NEGR1: variants seen among roughly 807,000 people sequenced by gnomAD.
The protein encoded by NEGR1 is IgLON family member 4.
A neutral mutation model predicts 40.9 loss-of-function variants in NEGR1; 10 were observed. The observed-to-expected ratio is 0.24, with a 90% CI of 0.15 to 0.42. NEGR1 has a LOEUF of 0.42. Ranked by LOEUF, NEGR1 falls within the 10% of genes least tolerant of loss-of-function variation. The pLI is 1.00. For missense variants in NEGR1, 352 were observed against 438.9 expected, an observed-to-expected ratio of 0.80 and a Z score of 1.77; for synonymous variants, 185 against 166.8, an observed-to-expected ratio of 1.11 and a Z score of -0.84.
At chr1:71,534,429 C>T (rs1174527883) in intron 6 of NEGR1, among the ~76,000 whole-genome samples, 1 of 151,666 alleles carries the variant, frequency 6.6e-6, no homozygotes, top group East Asian at 1.9e-4. Context: ...TCTGACTGTT[C>T]TGGGCCATGG....
intron 3 of NEGR1, among the ~76,000 whole-genome samples, chr1:71,700,477 G>C (rs539181961): frequency 6.3e-4 from 96 of 152,046 alleles, no homozygotes; most frequent in African/African-American, 2.1e-3. Context: ...TTTAATATCT[G>C]AAAGATGCTA....
intron 1 of NEGR1, among the ~76,000 whole-genome samples, chr1:72,257,247 G>A (rs1454108139): frequency 1.3e-5 from 2 of 149,130 alleles, no homozygotes; most frequent in East Asian, 3.9e-4. Flanking sequence ...GCGTGAACCC[G>A]GGAGGCGGAG....
chr1:72,061,090 T>C (rs546599593), intron 1 of NEGR1, among the ~76,000 whole-genome samples: 39 of 151,830 alleles, frequency 2.6e-4, no homozygotes, highest in South Asian at 8.3e-4. Flanking sequence ...ATGACATAAC[T>C]ACTTCCTCAT....
intron 3 of NEGR1, among the ~76,000 whole-genome samples, chr1:71,758,791 T>C (rs773942885): frequency 6.6e-6 from 1 of 152,162 alleles, no homozygotes; most frequent in African/African-American, 2.4e-5. Context: ...AAATCGTTAT[T>C]AAGCTATTTT....
chr1:71,945,440 A>C (rs1232591289), intron 1 of NEGR1, among the ~76,000 whole-genome samples: 1 of 152,180 alleles, frequency 6.6e-6, no homozygotes, highest in Non-Finnish European at 1.5e-5. Context: ...AATTAGAAGA[A>C]GGAAAAAAAT....
At chr1:71,604,508 A>G (rs1489923361) in intron 5 of NEGR1, among the ~76,000 whole-genome samples, 1 of 152,184 alleles carries the variant, frequency 6.6e-6, no homozygotes, top group Non-Finnish European at 1.5e-5. Context: ...ACAATCAGGT[A>G]GTAAATATTT....
In NEGR1 at chr1:71,675,988, A is replaced by G. The variant is rs12077693; in HGVS notation, c.667+22020T>C. On this transcript the variant is annotated intron_variant, in intron 4 of 6. Transcript: ENST00000357731. ...GACCGATTTTAGTTTCTATACAGAT[A>G]CTAAACAGGTGTTTGACTTCCACCA... 6.8e-3 allele frequency among the ~76,000 whole-genome samples: 1,031 copies of G among 152,182 alleles called. 12 individuals carry two copies. The highest frequency in any genetic ancestry group is 0.023 in the African/African-American group (967 of 41,534).
At chr1:71,548,059 CA>C (rs2101465501) in intron 6 of NEGR1, among the ~76,000 whole-genome samples, 1 of 151,770 alleles carries the variant, frequency 6.6e-6, no homozygotes, top group South Asian at 2.1e-4. Context: ...CTGGACTGAT[CA>C]AACCTCAGAT....
At chr1:71,888,163 T>C (rs1018308555) in intron 2 of NEGR1, among the ~76,000 whole-genome samples, 4 of 152,114 alleles carry the variant, frequency 2.6e-5, no homozygotes, top group African/African-American at 9.7e-5. Context: ...TTCTAACCTA[T>C]CTCTGAATAG....
intron 6 of NEGR1, among the ~76,000 whole-genome samples, chr1:71,543,704 C>G (rs1003931916): frequency 1.3e-5 from 2 of 151,544 alleles, no homozygotes; most frequent in African/African-American, 2.4e-5. Context: ...CTAGGTTTTG[C>G]TTGGTCTAGA....
chr1:71,788,585 T>C (rs929457584), intron 2 of NEGR1, among the ~76,000 whole-genome samples: 1 of 152,194 alleles, frequency 6.6e-6, no homozygotes, highest in African/African-American at 2.4e-5. Context: ...ATATTCTTAA[T>C]TCTCTTTAAC....
At chr1:71,566,512 A>G (rs1010185035) in intron 6 of NEGR1, among the ~76,000 whole-genome samples, 1 of 152,164 alleles carries the variant, frequency 6.6e-6, no homozygotes, top group Non-Finnish European at 1.5e-5. Context: ...ACTACTCTTC[A>G]TGAGATAAGT....
intron 4 of NEGR1, among the ~76,000 whole-genome samples, chr1:71,655,421 A>G (rs1175421417): frequency 1.3e-5 from 2 of 152,220 alleles, no homozygotes; most frequent in African/African-American, 4.8e-5. Context: ...TATAAAAATT[A>G]CATGGACACA....
At chr1:71,737,880 G>T (rs921834078) in intron 3 of NEGR1, among the ~76,000 whole-genome samples, 2 of 152,074 alleles carry the variant, frequency 1.3e-5, no homozygotes, top group Non-Finnish European at 2.9e-5. Context: ...GATCTCTCTG[G>T]CTCAGGTTTT....
At chr1:72,133,274 T>C (rs575291560) in intron 1 of NEGR1, among the ~76,000 whole-genome samples, 16 of 152,230 alleles carry the variant, frequency 1.1e-4, no homozygotes, top group African/African-American at 3.8e-4. Flanking sequence ...ACAAAATCTT[T>C]TGATATGCAT....
chr1:72,111,747 T>C (rs929462441), intron 1 of NEGR1, among the ~76,000 whole-genome samples: 13 of 151,842 alleles, frequency 8.6e-5, no homozygotes, highest in South Asian at 2.1e-4. Context: ...AAACCCTTTC[T>C]TGATATGAGT....
intron 1 of NEGR1, among the ~76,000 whole-genome samples, chr1:72,245,698 A>C (rs1426094315): frequency 6.6e-6 from 1 of 152,190 alleles, no homozygotes; most frequent in Non-Finnish European, 1.5e-5. Flanking sequence ...TATTTAAATG[A>C]GAGAAACATT....
intron 3 of NEGR1, among the ~76,000 whole-genome samples, chr1:71,723,709 C>T (rs1570261337): frequency 6.6e-6 from 1 of 152,192 alleles, no homozygotes; most frequent in Non-Finnish European, 1.5e-5. Context: ...AAAGTGCCTT[C>T]TTGAGTTCTG....
chr1:71,558,666 G>T (rs1169048419), intron 6 of NEGR1, among the ~76,000 whole-genome samples: 1 of 150,260 alleles, frequency 6.7e-6, no homozygotes, highest in Non-Finnish European at 1.5e-5. Flanking sequence ...GTCACCTGGA[G>T]GTCTTTAGAT....
Sources: gnomAD v4.1 joint callset for allele counts (sites outside exome capture counted in the v4.1 genomes callset) on GRCh38, gnomAD v4.1.1 for gene constraint, MANE v1.5 for transcripts, NCBI Gene and HGNC (gene_info 2026-07-23, HGNC 2026-07-21) for gene names.